LIFR: variants seen among roughly 807,000 people sequenced by gnomAD.
The protein encoded by LIFR is LIF receptor subunit alpha.
A neutral mutation model predicts 122.2 loss-of-function variants in LIFR; 84 were observed. That is an observed-to-expected ratio of 0.69 (90% CI 0.58 to 0.82). LIFR has a LOEUF of 0.82. Ranked by LOEUF, LIFR falls within the 40% of genes least tolerant of loss-of-function variation. The probability of loss-of-function intolerance (pLI) is 0.00; values close to 1 mark genes in which losing one functional copy is unlikely to be tolerated. For synonymous variants in LIFR, 422 were observed against 434.7 expected (o/e 0.97, Z 0.36); for missense variants, 1,294 against 1,311.6 (o/e 0.99, Z 0.21).
At chr5:38,578,288 C>T (rs937333805) in intron 1 of LIFR, among the ~76,000 whole-genome samples, 19 of 146,238 alleles carry the variant, frequency 1.3e-4, no homozygotes, top group Admixed American at 9.1e-4. Flanking sequence ...CTCACCGCAA[C>T]GTCTGCCTCC....
At chr5:38,507,728 T>G (rs528202403) in intron 7 of LIFR, among the ~76,000 whole-genome samples, 1 of 152,226 alleles carries the variant, frequency 6.6e-6, no homozygotes, top group South Asian at 2.1e-4. Flanking sequence ...AAAAGTTCTT[T>G]TTTAAAAAAA....
Position 38,484,876 on chromosome 5 carries a change from G to A in LIFR, c.2498-8C>T, listed in dbSNP as rs199875123. ...CAATAATTAATCCCACAGCTGAAAC[G>A]AGAGTATTGCAAATATTAAAATCGC... On this transcript the variant is annotated splice_region_variant and splice_polypyrimidine_tract_variant and intron_variant, in intron 17 of 19. Transcript: ENST00000453190. 4.3e-5 allele frequency: 68 copies of A among 1,592,826 alleles called. No individual in the cohort carries two copies. The highest frequency in any genetic ancestry group is 1.7e-4 in the Middle Eastern group (1 of 6,030).
chr5:38,586,619 T>C (rs1749759304), intron 1 of LIFR, among the ~76,000 whole-genome samples: 1 of 152,142 alleles, frequency 6.6e-6, no homozygotes, highest in Non-Finnish European at 1.5e-5. Context: ...TAGGCACCAC[T>C]CATATTTCTG....
intron 1 of LIFR, among the ~76,000 whole-genome samples, chr5:38,567,465 T>C (rs1465527918): frequency 6.6e-6 from 1 of 151,472 alleles, no homozygotes; most frequent in Non-Finnish European, 1.5e-5. Flanking sequence ...GCTGTTTGGT[T>C]TTTATTTCAT....
chr5:38,517,902 A>G (rs1746182929), intron 5 of LIFR, among the ~76,000 whole-genome samples: 1 of 137,346 alleles, frequency 7.3e-6, no homozygotes, highest in African/African-American at 2.8e-5. Context: ...TAAAATAAGA[A>G]GTAGGCAGAT....
At chr5:38,598,589 C>T (rs910629732), upstream of LIFR, among the ~76,000 whole-genome samples, 5 of 151,994 alleles carry the variant, frequency 3.3e-5, no homozygotes, top group Non-Finnish European at 5.9e-5. Context: ...GATAGCTGTT[C>T]CCAACCCACT....
chr5:38,544,249 A>G (rs1747750406), intron 1 of LIFR, among the ~76,000 whole-genome samples: 1 of 152,070 alleles, frequency 6.6e-6, no homozygotes, highest in African/African-American at 2.4e-5. Context: ...AACCTTTCAA[A>G]AACAGCCATC....
Position 38,601,005 on chromosome 5 carries a change from G to A in LIFR, n.305+5200C>T, listed in dbSNP as rs561350947. Among the ~76,000 whole-genome samples, 102 of 152,320 alleles carry A rather than the reference G, an allele frequency of 6.7e-4. 1 individual carries two copies. The highest frequency in any genetic ancestry group is 2.3e-3 in the African/African-American group (96 of 41,574). ...GGGGTAACACTGACCTTAGAGGGGT[G>A]TTATGGACTGAATATTTGTGTTCTG... On this transcript the variant is annotated intron_variant and non_coding_transcript_variant, in intron 2 of 3. Coordinates refer to the LIFR transcript ENST00000507786.
rs781727104 is a variant in LIFR at position 38,502,798 on chromosome 5, C to T, written c.1439G>A (p.Arg480Gln). ...TTCTACTCCTTTGATTGTGACATTC[C>T]GCTATTGGAAAACAAATAAATATAT... is the stretch of plus-strand genomic sequence containing the variant. Reference protein sequence around the residue: ...IKKSNSVQEQRNVTIKGVENS... With the variant: ...IKKSNSVQEQQNVTIKGVENS... Residue 480 changes from arginine to glutamine, a missense_variant and splice_region_variant, in exon 11 of 20, where the codon CGG becomes CAG. Physicochemically the swap from Arg to Gln is conservative, Grantham distance 43. Coordinates refer to ENST00000453190, the MANE Select transcript of LIFR (RefSeq NM_001127671.2). 70 of 1,570,268 alleles carry T rather than the reference C, an allele frequency of 4.5e-5. 1 individual carries two copies. The East Asian group carries it at 1.1e-3, about 24-fold the overall frequency.
Position 38,482,038 on chromosome 5 carries a change from G to A in LIFR, c.2851C>T (p.Pro951Ser). ...PENHVVVSYC[P>S]PIIEEEIPNP... is the part of the protein sequence containing the mutation. ...GGTATTTCTTCCTCAATGATGGGTG[G>A]ACAATAGGACACAACCACATGGTTT... Residue 951 changes from proline (P) to serine (S), a missense_variant, in exon 20 of 20, where the codon CCA becomes TCA. Pro to Ser is a moderately conservative substitution (Grantham distance 74). Transcript: ENST00000453190. 5.6e-6 allele frequency: 9 copies of A among 1,613,574 alleles called. No homozygotes were observed. The highest frequency in any genetic ancestry group is 6.8e-6 in the Non-Finnish European group (8 of 1,179,712).
At chr5:38,509,830 C>A (rs1745699625) in intron 7 of LIFR, among the ~76,000 whole-genome samples, 1 of 152,166 alleles carries the variant, frequency 6.6e-6, no homozygotes, top group Admixed American at 6.5e-5. Context: ...ACACAAGCCA[C>A]ATGGGCAGGG....
chr5:38,599,144 G>GA (rs1251147017), upstream of LIFR, among the ~76,000 whole-genome samples: 6 of 152,146 alleles, frequency 3.9e-5, no homozygotes, highest in African/African-American at 1.4e-4. Context: ...ATGAGTCACA[G>GA]AAAAAACAAA....
Position 38,510,671 on chromosome 5 carries a change from G to T in LIFR, c.784C>A (p.Leu262Ile), listed in dbSNP as rs753462824. Residue 262 changes from leucine (L) to isoleucine (I), a missense_variant, in exon 7 of 20, where the codon CTT becomes ATT. Transcript: ENST00000453190. ...CAAAATGTTATGTCTGAGCCTACAA[G>T]TATCACTTTATCTTGAGGAAAAACC... ...TKVFPQDKVILVGSDITFCCV... is the reference protein window; with the variant it reads ...TKVFPQDKVIIVGSDITFCCV... The T allele has an allele frequency of 5.0e-6, 8 of 1,613,602 alleles. No homozygotes were observed. Among genetic ancestry groups the T allele is most frequent in the South Asian group, 2.2e-5 (2 of 91,066 alleles).
rs547009437 is a variant in LIFR at position 38,527,641 on chromosome 5, C to T, written c.258-347G>A. Among the ~76,000 whole-genome samples, 189 of 152,246 alleles carry T rather than the reference C, an allele frequency of 1.2e-3. 1 individual carries two copies. Among genetic ancestry groups the T allele is most frequent in the Middle Eastern group, 6.8e-3 (2 of 294 alleles). On this transcript the variant is annotated intron_variant, in intron 3 of 19. Coordinates refer to ENST00000453190, the MANE Select transcript of LIFR (RefSeq NM_001127671.2). The stretch of plus-strand genomic sequence containing the variant: ...TCACTGAGGGACCAGTGCATCACAG[C>T]GCTCCTCATGCTAGGATGATGTTCA...
Position 38,481,183 on chromosome 5 carries a change from A to G in LIFR, c.*412T>C. 3.6e-6 allele frequency: 1 copy of G among 278,986 alleles called. No individual in the cohort carries two copies. The highest frequency in any genetic ancestry group is 6.8e-6 in the Non-Finnish European group (1 of 146,112). 17.3% of individuals were successfully genotyped at this position (278,986 alleles called of 1,614,324 possible). ...CAAATAAACTTCACCTGTTACTTGG[A>G]CATTTTCTCCCTGGCCTGCAAATCC... On this transcript the variant is annotated 3_prime_UTR_variant, in exon 20 of 20. Coordinates refer to ENST00000453190, the MANE Select transcript of LIFR (RefSeq NM_001127671.2).
upstream of LIFR, chr5:38,556,802 A>G (rs1365084233): frequency 2.0e-5 from 3 of 148,544 alleles, no homozygotes; most frequent in South Asian, 6.3e-4. Context: ...GGGTGCTCCA[A>G]GGAGTCGGAG....
intron 1 of LIFR, among the ~76,000 whole-genome samples, chr5:38,542,289 A>T (rs1242164333): frequency 1.3e-5 from 2 of 152,206 alleles, no homozygotes; most frequent in African/African-American, 2.4e-5. Context: ...TCTGTGTTTG[A>T]GAGCTTTAAA....
chr5:38,552,115 C>T (rs1366246171), intron 1 of LIFR, among the ~76,000 whole-genome samples: 1 of 152,056 alleles, frequency 6.6e-6, no homozygotes, highest in Non-Finnish European at 1.5e-5. Flanking sequence ...ATAATTTGCA[C>T]AGAACTTAAG....
At chr5:38,593,225 C>G (rs1156962893) in intron 1 of LIFR, among the ~76,000 whole-genome samples, 1 of 151,762 alleles carries the variant, frequency 6.6e-6, no homozygotes, top group Non-Finnish European at 1.5e-5. Flanking sequence ...CAAAACAAAA[C>G]AAAACAAACA....
Sources: allele counts gnomAD v4.1 joint callset (sites outside exome capture counted in the v4.1 genomes callset), GRCh38; gene constraint gnomAD v4.1.1; transcripts MANE v1.5; gene names NCBI Gene and HGNC (gene_info 2026-07-23, HGNC 2026-07-21).